AOAH: variants seen among roughly 807,000 people sequenced by gnomAD.
AOAH encodes the protein acyloxyacyl hydrolase.
Under a neutral mutation model 92.2 loss-of-function variants are expected in AOAH, and 64 were observed. The observed-to-expected ratio is 0.69, with a 90% CI of 0.57 to 0.86. The LOEUF (loss-of-function observed/expected upper bound fraction) is 0.86, where lower values mean the gene tolerates loss of function less well. AOAH is among the 40% of genes least tolerant of loss of function. AOAH has a pLI of 0.00. For missense variants in AOAH, 656 were observed against 694.6 expected (o/e 0.94, Z 0.62); for synonymous variants, 263 against 254.5 (o/e 1.03, Z -0.32).
chr7:36,581,009 G>A (rs919961243), intron 12 of AOAH, among the ~76,000 whole-genome samples: 1 of 152,180 alleles, frequency 6.6e-6, no homozygotes, highest in Non-Finnish European at 1.5e-5. Context: ...TGACTTTAGT[G>A]TTTCCAGAGA....
intron 2 of AOAH, among the ~76,000 whole-genome samples, chr7:36,682,870 T>C (rs1796734200): frequency 6.6e-6 from 1 of 151,664 alleles, no homozygotes; most frequent in South Asian, 2.1e-4. Flanking sequence ...GCAATGAAGA[T>C]TCAAAATGTG....
At chr7:36,564,425 A>G (rs1042089918) in intron 13 of AOAH, among the ~76,000 whole-genome samples, 1 of 152,138 alleles carries the variant, frequency 6.6e-6, no homozygotes, top group Non-Finnish European at 1.5e-5. Context: ...CACCTATTGC[A>G]ATATTGGAGA....
intron 10 of AOAH, 93 bp from the exon 11 acceptor site, chr7:36,616,567 A>G (rs1022139709): frequency 3.0e-6 from 3 of 1,000,436 alleles, no homozygotes. Flanking sequence ...CCTAGTGTGT[A>G]TTCCAGGCAC....
chr7:36,688,187 C>T (rs1455751883), intron 1 of AOAH, among the ~76,000 whole-genome samples: 1 of 152,132 alleles, frequency 6.6e-6, no homozygotes, highest in Non-Finnish European at 1.5e-5. Flanking sequence ...AATTTAGTAG[C>T]TGACGCTTAT....
intron 12 of AOAH, among the ~76,000 whole-genome samples, chr7:36,583,912 G>A (rs1789119631): frequency 6.6e-6 from 1 of 152,144 alleles, no homozygotes; most frequent in Middle Eastern, 3.2e-3. Context: ...AGACATTTAA[G>A]GCTGTGGAGG....
intron 13 of AOAH, among the ~76,000 whole-genome samples, chr7:36,566,050 C>T (rs543801471): frequency 4.8e-5 from 7 of 146,530 alleles, no homozygotes; most frequent in African/African-American, 1.8e-4. Context: ...ATTGCTTAGT[C>T]TTTCTTTGTC....
At chr7:36,683,468 G>C (rs1200960164) in intron 2 of AOAH, among the ~76,000 whole-genome samples, 1 of 152,120 alleles carries the variant, frequency 6.6e-6, no homozygotes, top group Non-Finnish European at 1.5e-5. Context: ...GATTCAAAAG[G>C]GTGGAGAAAT....
intron 12 of AOAH, among the ~76,000 whole-genome samples, chr7:36,577,025 T>C (rs1396003690): frequency 1.0e-5 from 1 of 95,908 alleles, no homozygotes; most frequent in East Asian, 2.3e-4. Context: ...GTTGCCTTTC[T>C]TTTTTTTTTT....
chr7:36,691,906 G>A (rs1797420682), intron 1 of AOAH, among the ~76,000 whole-genome samples: 1 of 152,170 alleles, frequency 6.6e-6, no homozygotes, highest in East Asian at 1.9e-4. Context: ...CCAACCTGCT[G>A]GAAAGGCCCC....
chr7:36,643,574 A>T (rs1015920894), intron 4 of AOAH, among the ~76,000 whole-genome samples: 1 of 152,244 alleles, frequency 6.6e-6, no homozygotes, highest in African/African-American at 2.4e-5. Flanking sequence ...GTATTCTTCC[A>T]TTCAATCATT....
At chr7:36,521,241 A>G (rs948689253) in intron 20 of AOAH, among the ~76,000 whole-genome samples, 1 of 152,140 alleles carries the variant, frequency 6.6e-6, no homozygotes, top group African/African-American at 2.4e-5. Flanking sequence ...GGCTCTAGTG[A>G]TGTGGTATTG....
chr7:36,618,146 A>T (rs536676284), intron 10 of AOAH, 151 bp downstream of exon 10: 9 of 575,650 alleles, frequency 1.6e-5, no homozygotes, highest in African/African-American at 1.3e-4. Flanking sequence ...ATTTTTTCTG[A>T]TCTGTCATGA....
chr7:36,620,271 T>G (rs1792182286), intron 9 of AOAH, among the ~76,000 whole-genome samples: 1 of 152,174 alleles, frequency 6.6e-6, no homozygotes, highest in Non-Finnish European at 1.5e-5. Flanking sequence ...CCTCTTTTCT[T>G]CCCTTTTCTT....
At chr7:36,605,805 G>T (rs977895144) in intron 11 of AOAH, among the ~76,000 whole-genome samples, 2 of 152,172 alleles carry the variant, frequency 1.3e-5, no homozygotes, top group African/African-American at 4.8e-5. Flanking sequence ...AGAACGGCCT[G>T]TCTGGCCTGT....
In AOAH at chr7:36,519,579, T is replaced by G. The variant is rs572485319; in HGVS notation, c.1599+2460A>C. On this transcript the variant is annotated intron_variant, in intron 20 of 20. Coordinates refer to ENST00000617537, the MANE Select transcript of AOAH (RefSeq NM_001637.4). ...CCAAGTAGCTGGGATTACAGGCATG[T>G]GCCACCACGCCCAGCTAATTTTGTA... Among the ~76,000 whole-genome samples, 47 of 152,278 alleles carry G rather than the reference T, an allele frequency of 3.1e-4. 1 individual carries two copies. The South Asian group carries it at 8.3e-3, about 27-fold the overall frequency.
At chr7:36,562,415 T>A (rs997396476) in intron 13 of AOAH, among the ~76,000 whole-genome samples, 1 of 152,162 alleles carries the variant, frequency 6.6e-6, no homozygotes, top group Admixed American at 6.5e-5. Context: ...CCTTAAGAAG[T>A]CTATATTCTG....
At chr7:36,576,688 T>G in intron 12 of AOAH, 32 bp from the exon 13 acceptor site, 5 of 1,132,798 alleles carry the variant, frequency 4.4e-6, no homozygotes, top group Non-Finnish European at 6.3e-6. Context: ...ATATTTAAGG[T>G]CAGGATACTC....
chr7:36,627,191 A>AATGCACCCTG (rs1325480702), intron 6 of AOAH, among the ~76,000 whole-genome samples: 63 of 152,330 alleles, frequency 4.1e-4, no homozygotes, highest in African/African-American at 1.4e-3. Context: ...ATCAAAAGAT[A>AATGCACCCTG]ACTATAGTCC....
chr7:36,637,404 G>A (rs1053688151), intron 5 of AOAH, among the ~76,000 whole-genome samples: 2 of 152,120 alleles, frequency 1.3e-5, no homozygotes, highest in Non-Finnish European at 2.9e-5. Flanking sequence ...TGGAGAAGCA[G>A]GAGGATACAG....
Sources: gnomAD v4.1 joint callset for allele counts (sites outside exome capture counted in the v4.1 genomes callset) on GRCh38, gnomAD v4.1.1 for gene constraint, MANE v1.5 for transcripts, NCBI Gene and HGNC (gene_info 2026-07-23, HGNC 2026-07-21) for gene names.